Variants in ANKRD33B observed in about 807,000 individuals in gnomAD.
ANKRD33B encodes the protein ankyrin repeat domain-containing protein 33B.
A neutral mutation model predicts 21.5 loss-of-function variants in ANKRD33B; 6 were observed. The observed-to-expected ratio is 0.28, with a 90% CI of 0.15 to 0.55. ANKRD33B has a LOEUF of 0.55. ANKRD33B is among the 20% of genes least tolerant of loss of function. ANKRD33B has a pLI of 0.94. For missense variants in ANKRD33B, 698 were observed against 747.2 expected, an observed-to-expected ratio of 0.93 and a Z score of 0.77; for synonymous variants, 347 against 342.4, an observed-to-expected ratio of 1.01 and a Z score of -0.15.
intron 2 of ANKRD33B, among the ~76,000 whole-genome samples, chr5:10,623,521 G>T (rs541430880): frequency 6.6e-6 from 1 of 152,198 alleles, no homozygotes; most frequent in African/African-American, 2.4e-5. Context: ...GGACCCCTCC[G>T]TCAGGACCTA....
chr5:10,620,628 T>G (rs1736400604), intron 2 of ANKRD33B, among the ~76,000 whole-genome samples: 1 of 152,236 alleles, frequency 6.6e-6, no homozygotes, highest in African/African-American at 2.4e-5. Flanking sequence ...TTCCAGAGTC[T>G]TGCCTGTTTG....
In ANKRD33B at chr5:10,610,913, G is replaced by A. The variant is rs756760845; in HGVS notation, c.367-7420G>A. Among the ~76,000 whole-genome samples the A allele has an allele frequency of 4.6e-5, 7 of 152,200 alleles. No homozygotes were observed. In the East Asian group the frequency reaches 7.7e-4, roughly 17 times the overall value. On this transcript the variant is annotated intron_variant, in intron 1 of 3. Coordinates refer to ENST00000296657, the MANE Select transcript of ANKRD33B (RefSeq NM_001164440.2). ...AAAAAAATTAGCTGGGTGTGGTGGC[G>A]GGAGACTGTAATCCCAGCTACCTGG...
chr5:10,644,627 C>T (rs1737149305), intron 3 of ANKRD33B, among the ~76,000 whole-genome samples: 1 of 152,220 alleles, frequency 6.6e-6, no homozygotes, highest in South Asian at 2.1e-4. Context: ...GAGGGTTGCT[C>T]TTGTCTCAGG....
In ANKRD33B at chr5:10,620,144, G is replaced by A. The variant is rs370714963; in HGVS notation, c.496+1682G>A. On this transcript the variant is annotated intron_variant, in intron 2 of 3. Transcript: ENST00000296657. Reference sequence around the variant, plus strand: ...TGAGGCTGCGTGAGTGGTGACAGGGGTGAGAGGATCCCAGGGGCGTAGCAG... The same window carrying A: ...TGAGGCTGCGTGAGTGGTGACAGGGATGAGAGGATCCCAGGGGCGTAGCAG... 3.3e-5 allele frequency among the ~76,000 whole-genome samples: 5 copies of A among 152,266 alleles called. No homozygotes were observed. In the East Asian group the frequency reaches 9.7e-4, roughly 29 times the overall value.
At chr5:10,620,317 T>C (rs762718489) in intron 2 of ANKRD33B, among the ~76,000 whole-genome samples, 2 of 152,026 alleles carry the variant, frequency 1.3e-5, no homozygotes, top group Non-Finnish European at 2.9e-5. Context: ...AAAGGGCATA[T>C]AAGTAAAAGA....
chr5:10,635,935 A>G (rs924307887), intron 2 of ANKRD33B, among the ~76,000 whole-genome samples: 7 of 152,228 alleles, frequency 4.6e-5, no homozygotes, highest in Admixed American at 2.6e-4. Context: ...GCAGCGGGGA[A>G]TCCTGGAGGC....
At chr5:10,572,169 G>A (rs1402214157) in intron 1 of ANKRD33B, among the ~76,000 whole-genome samples, 2 of 152,148 alleles carry the variant, frequency 1.3e-5, no homozygotes, top group Non-Finnish European at 2.9e-5. Flanking sequence ...GATTACAGGC[G>A]TGAGCCACCA....
Position 10,656,712 on chromosome 5 carries a change from C to G in ANKRD33B, c.*6599C>G, listed in dbSNP as rs1737495880. 6.6e-6 allele frequency: 1 copy of G among 152,400 alleles called. No homozygotes were observed. Among genetic ancestry groups the G allele is most frequent in the Non-Finnish European group, 1.5e-5 (1 of 68,086 alleles). 9.4% of individuals were successfully genotyped at this position (152,400 alleles called of 1,614,324 possible). On this transcript the variant is annotated 3_prime_UTR_variant, in exon 4 of 4. Transcript: ENST00000296657. ...CCATTTGGCCAGGTCTGGGCCATCT[C>G]TCTGCCTCTGCCCTATCTTGGCTGC...
chr5:10,585,246 T>C (rs1332357785), intron 1 of ANKRD33B, among the ~76,000 whole-genome samples: 1 of 152,180 alleles, frequency 6.6e-6, no homozygotes, highest in Admixed American at 6.5e-5. Context: ...TAGGCTCTGG[T>C]TGTGGTGAGC....
chr5:10,632,476 G>T (rs1014604020), intron 2 of ANKRD33B, among the ~76,000 whole-genome samples: 1 of 152,292 alleles, frequency 6.6e-6, no homozygotes, highest in South Asian at 2.1e-4. Flanking sequence ...GGAACCAGGG[G>T]TGTGGCGGGG....
intron 3 of ANKRD33B, among the ~76,000 whole-genome samples, chr5:10,647,001 G>A (rs577687339): frequency 1.5e-4 from 23 of 152,296 alleles, no homozygotes; most frequent in African/African-American, 5.3e-4. Flanking sequence ...ATGAAGAAGC[G>A]TCTGTCGGGT....
At chr5:10,607,055 C>T (rs561879621) in intron 1 of ANKRD33B, among the ~76,000 whole-genome samples, 1 of 152,034 alleles carries the variant, frequency 6.6e-6, no homozygotes, top group East Asian at 1.9e-4. Flanking sequence ...ATTTTGTGCC[C>T]AATCAAGTAT....
chr5:10,577,516 G>C (rs1735350428), intron 1 of ANKRD33B, among the ~76,000 whole-genome samples: 1 of 152,178 alleles, frequency 6.6e-6, no homozygotes, highest in African/African-American at 2.4e-5. Context: ...TCCGGTGTCG[G>C]GCTATGCACA....
At chr5:10,597,933 G>A (rs547521737) in intron 1 of ANKRD33B, among the ~76,000 whole-genome samples, 18 of 152,100 alleles carry the variant, frequency 1.2e-4, no homozygotes, top group African/African-American at 4.1e-4. Context: ...TTTTAGTTTT[G>A]GATTTCTGGA....
intron 3 of ANKRD33B, among the ~76,000 whole-genome samples, chr5:10,644,818 C>A (rs1050093792): frequency 2.0e-5 from 3 of 152,182 alleles, no homozygotes; most frequent in Non-Finnish European, 4.4e-5. Flanking sequence ...GCAAAGCAAA[C>A]CTCGAGACAA....
intron 1 of ANKRD33B, among the ~76,000 whole-genome samples, chr5:10,605,448 A>C (rs953425909): frequency 6.6e-6 from 1 of 152,222 alleles, no homozygotes; most frequent in Non-Finnish European, 1.5e-5. Context: ...ACATGGTACT[A>C]GGACAGGGTC....
At position 10,649,506 on chromosome 5, in the gene ANKRD33B, C is replaced by T. The variant is rs768074427; in HGVS notation, c.878C>T (p.Pro293Leu). ...LTDCVLSVLT[P>L]RSVRGPEDGG... is the part of the protein sequence containing the mutation. ...GACTGCGTGCTGTCCGTGCTGACGC[C>T]GCGCTCCGTGCGGGGCCCGGAGGAC... The change falls in exon 4 of 4, where the codon CCG (proline) becomes CTG (leucine). Residue 293 changes from proline (P) to leucine (L), a missense_variant. Physicochemically the swap from Pro to Leu is moderately conservative, Grantham distance 98. This residue lies in a region of ANKRD33B where 543 missense variants were observed against 566.5 expected (regional missense o/e 0.96). Coordinates refer to ENST00000296657, the MANE Select transcript of ANKRD33B (RefSeq NM_001164440.2). 4 of 1,534,602 alleles carry T rather than the reference C, an allele frequency of 2.6e-6. No homozygotes were observed. Among genetic ancestry groups the T allele is most frequent in the African/African-American group, 2.7e-5 (2 of 73,078 alleles).
At position 10,649,364 on chromosome 5, in the gene ANKRD33B, C is replaced by T. The variant is rs941979241; in HGVS notation, c.736C>T (p.Leu246=). 109 of 1,535,410 alleles carry T rather than the reference C, an allele frequency of 7.1e-5. No individual in the cohort carries two copies. The highest frequency in any genetic ancestry group is 9.2e-5 in the Non-Finnish European group (106 of 1,146,748). ...GGATGCCGTCCGTCTCATGCAGAGG[C>T]TGCTGGAGCGCCCCTGCCCGGAGCA... ...RVDAVRLMQR[L]LERPCPEQFW... is the part of the protein sequence containing the mutation. Residue 246 remains leucine (L), a synonymous_variant, in exon 4 of 4, where the codon CTG becomes TTG. Coordinates refer to ENST00000296657, the MANE Select transcript of ANKRD33B (RefSeq NM_001164440.2).
intron 1 of ANKRD33B, among the ~76,000 whole-genome samples, chr5:10,581,500 G>A (rs1265553969): frequency 6.6e-6 from 1 of 152,102 alleles, no homozygotes; most frequent in African/African-American, 2.4e-5. Flanking sequence ...CTCATTTTTG[G>A]TCTCCCCTGG....
Sources: allele counts gnomAD v4.1 joint callset (sites outside exome capture counted in the v4.1 genomes callset), GRCh38; gene constraint gnomAD v4.1.1; regional missense constraint gnomAD v4.1.1; transcripts MANE v1.5; gene names NCBI Gene and HGNC (gene_info 2026-07-23, HGNC 2026-07-21).